Variants in SIN3B observed in about 807,000 individuals in gnomAD.
SIN3B encodes SIN3 transcription regulator family member B, also known as paired amphipathic helix protein Sin3b.
SIN3B carries 19 observed loss-of-function variants against 120.2 expected under a neutral mutation model. That is an observed-to-expected ratio of 0.16 (90% CI 0.11 to 0.23). The LOEUF (loss-of-function observed/expected upper bound fraction) is 0.23, where lower values mean the gene tolerates loss of function less well. Ranked by LOEUF, SIN3B falls within the 10% of genes least tolerant of loss-of-function variation. The pLI is 1.00. For synonymous variants in SIN3B, 654 were observed against 653.2 expected (o/e 1.00, Z -0.02); for missense variants, 1,073 against 1,573.0 (o/e 0.68, Z 5.38).
chr19:16,863,665 T>C lies in SIN3B; in HGVS notation c.1267-15T>C, dbSNP rs1433944227. The C allele has an allele frequency of 1.3e-6, 2 of 1,560,622 alleles. No homozygotes were observed. The highest frequency in any genetic ancestry group is 2.2e-5 in the South Asian group (2 of 89,970). On this transcript the variant is annotated splice_polypyrimidine_tract_variant and intron_variant, in intron 9 of 18. Transcript: ENST00000248054. Reference sequence around the variant, plus strand: ...GGGCATGCAGCGTCATTCACGGCATTTCCTCTTGGTGCAGGTACTGAACGA... The same window carrying C: ...GGGCATGCAGCGTCATTCACGGCATCTCCTCTTGGTGCAGGTACTGAACGA...
chr19:16,867,492 C>T (rs1971792497), intron 12 of SIN3B, among the ~76,000 whole-genome samples: 1 of 152,066 alleles, frequency 6.6e-6, no homozygotes, highest in African/African-American at 2.4e-5. Flanking sequence ...TGGCAGGGTG[C>T]CGGGCGTGGT....
intron 3 of SIN3B, among the ~76,000 whole-genome samples, chr19:16,839,455 G>A (rs906819231): frequency 2.0e-5 from 3 of 152,138 alleles, no homozygotes; most frequent in Non-Finnish European, 4.4e-5. Context: ...TCTAGAGCGT[G>A]GTTCCCCATT....
At chr19:16,863,449 G>A in intron 9 of SIN3B, 1 of 558,816 alleles carries the variant, frequency 1.8e-6, no homozygotes, top group South Asian at 2.3e-5. Flanking sequence ...CTGTGGATTT[G>A]GGTCTTCAGG....
intron 8 of SIN3B, among the ~76,000 whole-genome samples, chr19:16,860,525 C>T (rs1305165099): frequency 9.9e-5 from 15 of 150,868 alleles, no homozygotes; most frequent in Admixed American, 7.9e-4. Context: ...AGGGGGACGT[C>T]GTTATGCGAG....
At chr19:16,830,606 A>G (rs1568410253) in intron 2 of SIN3B, among the ~76,000 whole-genome samples, 3 of 152,156 alleles carry the variant, frequency 2.0e-5, no homozygotes, top group Non-Finnish European at 2.9e-5. Flanking sequence ...CATGCTTACC[A>G]TACTGCTGCC....
intron 8 of SIN3B, among the ~76,000 whole-genome samples, chr19:16,860,881 C>G (rs1432837581): frequency 1.3e-5 from 2 of 152,108 alleles, no homozygotes; most frequent in African/African-American, 4.8e-5. Flanking sequence ...GCATGAGCCA[C>G]TGCGCCTGGC....
intron 4 of SIN3B, among the ~76,000 whole-genome samples, chr19:16,843,366 G>T (rs73010438): frequency 2.1e-3 from 314 of 152,364 alleles, no homozygotes; most frequent in Non-Finnish European, 3.5e-3. Context: ...CAAATGGATA[G>T]AATTTGTGTT....
Position 16,876,396 on chromosome 19 carries a change from C to T in SIN3B, c.2767-90C>T. ...AAGCATCAGGGCTTTGGGAGGGTGG[C>T]AAAGGCGGGAGGCGGGTGGCCTTGC... On this transcript the variant is annotated intron_variant, in intron 15 of 18. Transcript: ENST00000248054. This position sits in a 1 kb window ranked among gnomAD's most constrained non-coding sequence, Gnocchi z 7.1. 1 of 1,449,366 alleles carries T rather than the reference C, an allele frequency of 6.9e-7. No homozygotes were observed. Among genetic ancestry groups the T allele is most frequent in the Non-Finnish European group, 9.5e-7 (1 of 1,054,634 alleles). The allele number at this position is 1,449,366 out of a possible 1,614,324, so 89.8% of individuals were successfully genotyped here. A position where few individuals can be genotyped will look rare whatever the true frequency, so the allele number is the denominator to read the frequency against.
chr19:16,834,465 G>T (rs1971319840), intron 3 of SIN3B, among the ~76,000 whole-genome samples: 1 of 152,198 alleles, frequency 6.6e-6, no homozygotes, highest in African/African-American at 2.4e-5. Flanking sequence ...AACCGTGGAG[G>T]GCTGGCAGTC....
At chr19:16,874,081 G>A (rs1339812750) in intron 14 of SIN3B, among the ~76,000 whole-genome samples, 1 of 152,222 alleles carries the variant, frequency 6.6e-6, no homozygotes, top group Non-Finnish European at 1.5e-5. Flanking sequence ...TCTGCCCCAC[G>A]ATCCCTGCTG....
At chr19:16,860,884 C>T (rs553169703) in intron 8 of SIN3B, among the ~76,000 whole-genome samples, 3 of 152,088 alleles carry the variant, frequency 2.0e-5, no homozygotes, top group South Asian at 2.1e-4. Flanking sequence ...TGAGCCACTG[C>T]GCCTGGCCAT....
At position 16,862,497 on chromosome 19, in the gene SIN3B, C is replaced by T; in HGVS notation, c.1204C>T (p.Arg402Trp). Reference sequence around the variant, plus strand: ...CTGCAAGCGCATAGGATCCAGCTACCGGGCACTCCCCAAAACCTACCAGCA... The same window carrying T: ...CTGCAAGCGCATAGGATCCAGCTACTGGGCACTCCCCAAAACCTACCAGCA... ...ASCKRIGSSY[R>W]ALPKTYQQPK... The change falls in exon 9 of 19, where the codon CGG becomes TGG. Residue 402 changes from arginine (R) to tryptophan (W), a missense_variant. Physicochemically the swap from Arg to Trp is moderately radical, Grantham distance 101. Coordinates refer to ENST00000248054, the MANE Select transcript of SIN3B (RefSeq NM_001297595.2). This position sits in a 1 kb window ranked among gnomAD's most constrained non-coding sequence, Gnocchi z 4.7. 1 of 1,614,100 alleles carries T rather than the reference C, an allele frequency of 6.2e-7. No individual in the cohort carries two copies. Among genetic ancestry groups the T allele is most frequent in the Non-Finnish European group, 8.5e-7 (1 of 1,180,022 alleles).
intron 11 of SIN3B, 113 bp from the exon 12 acceptor site, chr19:16,866,260 G>T (rs553228168): frequency 8.6e-6 from 9 of 1,043,658 alleles, no homozygotes; most frequent in Non-Finnish European, 1.2e-5. Flanking sequence ...GAGCTGGCTG[G>T]GCCTGGGTCC....
At chr19:16,842,617 C>G (rs755247932) in intron 4 of SIN3B, among the ~76,000 whole-genome samples, 1 of 152,138 alleles carries the variant, frequency 6.6e-6, no homozygotes, top group South Asian at 2.1e-4. Context: ...TTAGGCAATA[C>G]GGCCATCCTT....
intron 3 of SIN3B, among the ~76,000 whole-genome samples, chr19:16,838,442 G>C (rs1347656413): frequency 1.3e-5 from 2 of 152,170 alleles, no homozygotes; most frequent in African/African-American, 2.4e-5. Flanking sequence ...CCGTGTGGCT[G>C]TTGGTGTCTG....
chr19:16,850,005 A>G (rs559055025), intron 5 of SIN3B, among the ~76,000 whole-genome samples: 1 of 150,192 alleles, frequency 6.7e-6, no homozygotes, highest in South Asian at 2.1e-4. Context: ...GTAGATGCCA[A>G]TTTCTCCACT....
In SIN3B at chr19:16,840,805, C is replaced by T. The variant is rs187491807; in HGVS notation, c.382-963C>T. On this transcript the variant is annotated intron_variant, in intron 3 of 18. Coordinates refer to ENST00000248054, the MANE Select transcript of SIN3B (RefSeq NM_001297595.2). ...CAGCCCTGATCAAAACCCCCACCCT[C>T]GTGGAGTTCGCCATCTAGTCAGGGA... Among the ~76,000 whole-genome samples, 11 of 152,294 alleles carry T rather than the reference C, an allele frequency of 7.2e-5. No homozygotes were observed. The East Asian group carries it at 1.7e-3, about 24-fold the overall frequency.
Position 16,876,911 on chromosome 19 carries a change from G to A in SIN3B, c.2859+333G>A, listed in dbSNP as rs1389076471. ...GTGACCTCTGCACCTCTTGTGTCAG[G>A]GCTGCATCCTGTTCCTAATCCCCAG... On this transcript the variant is annotated intron_variant, in intron 16 of 18. Coordinates refer to ENST00000248054, the MANE Select transcript of SIN3B (RefSeq NM_001297595.2). The surrounding 1 kb of genome is among the most constrained non-coding windows in gnomAD (Gnocchi z 7.1). 3.6e-6 allele frequency: 1 copy of A among 274,760 alleles called. No homozygotes were observed. The highest frequency in any genetic ancestry group is 6.9e-6 in the Non-Finnish European group (1 of 144,622). 17.0% of individuals were successfully genotyped at this position (274,760 alleles called of 1,614,324 possible). A position where few individuals can be genotyped will look rare whatever the true frequency, so the allele number is the denominator to read the frequency against.
rs370881775 is a variant in SIN3B at position 16,879,544 on chromosome 19, A to AT, written c.*820dup. The AT allele has an allele frequency of 5.3e-4, 81 of 152,232 alleles. No individual in the cohort carries two copies. The highest frequency in any genetic ancestry group is 1.9e-3 in the African/African-American group (80 of 41,500). The allele number at this position is 152,232 out of a possible 1,614,324, so 9.4% of individuals were successfully genotyped here. On this transcript the variant is annotated 3_prime_UTR_variant, in exon 19 of 19. Coordinates refer to ENST00000248054, the MANE Select transcript of SIN3B (RefSeq NM_001297595.2). ...GGCGTATGTGTATACACGCACAGAT[A>AT]TTTATTCCTTTCGCTTTTAGTGGTT... is the stretch of plus-strand genomic sequence containing the variant.
Sources: gnomAD v4.1 joint callset for allele counts (sites outside exome capture counted in the v4.1 genomes callset) on GRCh38, gnomAD v4.1.1 for gene constraint, Gnocchi (gnomAD v3.1) non-coding constraint, MANE v1.5 for transcripts, NCBI Gene and HGNC (gene_info 2026-07-23, HGNC 2026-07-21) for gene names.